Variants in DPH6 observed in about 807,000 individuals in gnomAD.
The protein encoded by DPH6 is diphthamine biosynthesis 6.
A neutral mutation model predicts 38.2 loss-of-function variants in DPH6; 33 were observed. The observed-to-expected ratio is 0.86, with a 90% confidence interval of 0.65 to 1.15. The LOEUF (loss-of-function observed/expected upper bound fraction) is 1.15. DPH6 is among the 50% of genes most tolerant of loss of function. The pLI is 0.00. For missense variants in DPH6, 325 were observed against 320.0 expected (o/e 1.02, Z -0.12); for synonymous variants, 108 against 103.0 (o/e 1.05, Z -0.30).
chr15:35,401,543 T>G, intron 6 of DPH6: 2 of 771,814 alleles, frequency 2.6e-6, no homozygotes, highest in Non-Finnish European at 4.8e-6. Context: ...AGAGGTGGCT[T>G]TGGTGGTGGT....
At chr15:35,498,720 A>G (rs535434894) in intron 3 of DPH6, among the ~76,000 whole-genome samples, 1 of 152,266 alleles carries the variant, frequency 6.6e-6, no homozygotes, top group South Asian at 2.1e-4. Flanking sequence ...ACATTTTACC[A>G]ATCCAAATAA....
chr15:35,239,506 C>T (rs1245374637), intron 3 of DPH6, among the ~76,000 whole-genome samples: 2 of 144,036 alleles, frequency 1.4e-5, no homozygotes, highest in African/African-American at 5.0e-5. Flanking sequence ...TGGTCCTTCA[C>T]CCTTAGCGGC....
chr15:35,545,761 A>G (rs1218910221), intron 1 of DPH6, among the ~76,000 whole-genome samples: 1 of 151,700 alleles, frequency 6.6e-6, no homozygotes, highest in Non-Finnish European at 1.5e-5. Context: ...GGCTCATTAG[A>G]GCTTGAAAAA....
chr15:35,313,309 C>T (rs1369354480), intron 3 of DPH6, among the ~76,000 whole-genome samples: 3 of 150,126 alleles, frequency 2.0e-5, no homozygotes, highest in Admixed American at 6.6e-5. Context: ...AGGATTGCTT[C>T]GGCCACTTGG....
intron 3 of DPH6, among the ~76,000 whole-genome samples, chr15:35,535,758 C>T (rs2039162845): frequency 6.6e-6 from 1 of 152,050 alleles, no homozygotes; most frequent in Admixed American, 6.6e-5. Flanking sequence ...AGATACATAC[C>T]TCTAGCTGTC....
At chr15:35,480,483 A>G (rs2054313754) in intron 3 of DPH6, among the ~76,000 whole-genome samples, 1 of 152,096 alleles carries the variant, frequency 6.6e-6, no homozygotes, top group Non-Finnish European at 1.5e-5. Context: ...TTAAATCTTA[A>G]GGCTATGTAG....
At chr15:35,505,895 A>T (rs1190223728) in intron 3 of DPH6, among the ~76,000 whole-genome samples, 1 of 152,040 alleles carries the variant, frequency 6.6e-6, no homozygotes, top group Non-Finnish European at 1.5e-5. Context: ...TATAGGTGGA[A>T]CTCTAAGCAG....
intron 3 of DPH6, among the ~76,000 whole-genome samples, chr15:35,471,014 TACAACATAC>T (rs1379508089): frequency 6.6e-6 from 1 of 152,188 alleles, no homozygotes; most frequent in Non-Finnish European, 1.5e-5. Flanking sequence ...AGCTCAGCTT[TACAACATAC>T]ACATTAACAA....
intron 3 of DPH6, among the ~76,000 whole-genome samples, chr15:35,273,983 T>C (rs1204683532): frequency 6.6e-6 from 1 of 151,910 alleles, no homozygotes; most frequent in East Asian, 1.9e-4. Flanking sequence ...GCTGGAGGGA[T>C]CCTACCTGAC....
chr15:35,366,228 T>TTGTGTGTGTG (rs10525441), downstream of DPH6, among the ~76,000 whole-genome samples: 3,706 of 144,342 alleles, frequency 0.026, 105 homozygotes, highest in African/African-American at 0.072. Flanking sequence ...TTTAGTCATC[T>TTGTGTGTGTG]TGTGTGTGTG....
At chr15:35,498,111 C>T (rs1252199408) in intron 3 of DPH6, among the ~76,000 whole-genome samples, 1 of 152,134 alleles carries the variant, frequency 6.6e-6, no homozygotes, top group Non-Finnish European at 1.5e-5. Context: ...TAGTTGGCAC[C>T]TTCTCTCCAT....
chr15:35,426,956 T>C (rs752958033), intron 5 of DPH6, among the ~76,000 whole-genome samples: 40 of 148,792 alleles, frequency 2.7e-4, no homozygotes, highest in East Asian at 5.9e-4. Context: ...ATGACATTTT[T>C]CCCCCTGAAT....
intron 3 of DPH6, among the ~76,000 whole-genome samples, chr15:35,295,407 A>G (rs185259556): frequency 2.0e-4 from 31 of 152,326 alleles, no homozygotes; most frequent in African/African-American, 7.2e-4. Context: ...CTTCAAAATG[A>G]AAGTTGCTTT....
chr15:35,484,252 A>G (rs1314624178), intron 3 of DPH6, among the ~76,000 whole-genome samples: 1 of 152,248 alleles, frequency 6.6e-6, no homozygotes, highest in Non-Finnish European at 1.5e-5. Flanking sequence ...TTTACATCTG[A>G]GTATATTAGC....
At chr15:35,153,527 C>T in the DPH6 span, among the ~76,000 whole-genome samples, 1 of 152,142 alleles carries the variant, frequency 6.6e-6, no homozygotes, top group Non-Finnish European at 1.5e-5. Context: ...TAGGCCTCTA[C>T]ATTGTTTGTA....
rs1459588811 is a variant in DPH6, at chr15:35,511,533, A to T, written c.312+26741T>A. On this transcript the variant is annotated intron_variant, in intron 3 of 8. Transcript: ENST00000256538. ...AACTGTACATAGTGTGAATATGTAC[A>T]TGTGTTTATAGCTGAAAAGTAGAAG... is the stretch of plus-strand genomic sequence containing the variant. Among the ~76,000 whole-genome samples the T allele has an allele frequency of 2.0e-5, 3 of 152,194 alleles. No homozygotes were observed. The East Asian group carries it at 5.8e-4, about 29-fold the overall frequency.
chr15:35,299,498 G>A, intron 3 of DPH6: 1 of 721,614 alleles, frequency 1.4e-6, no homozygotes, highest in South Asian at 1.4e-5. Context: ...CCGCGGTGGC[G>A]GCAGCGCGGA....
At chr15:35,386,628 C>A (rs2052963149) in intron 6 of DPH6, among the ~76,000 whole-genome samples, 1 of 152,172 alleles carries the variant, frequency 6.6e-6, no homozygotes, top group African/African-American at 2.4e-5. Context: ...TGTTTTTTGA[C>A]TGCATAAATG....
Position 35,409,187 on chromosome 15 carries a change from C to T in DPH6, c.567+1648G>A, listed in dbSNP as rs146820883. On this transcript the variant is annotated intron_variant, in intron 6 of 8. Transcript: ENST00000256538. ...TAGAGGGAAATTAGTAGGGGTGGTG[C>T]TGGGGTTGGGAGGGAGGCAGGGTGA... Among the ~76,000 whole-genome samples the T allele has an allele frequency of 3.7e-3, 554 of 151,502 alleles. 2 individuals carry two copies. The highest frequency in any genetic ancestry group is 0.012 in the African/African-American group (504 of 41,302).
Sources: allele counts gnomAD v4.1 joint callset (sites outside exome capture counted in the v4.1 genomes callset), GRCh38; gene constraint gnomAD v4.1.1; transcripts MANE v1.5; gene names NCBI Gene and HGNC (gene_info 2026-07-23, HGNC 2026-07-21).